The following CAMK1D variants were observed in gnomAD, a reference collection of about 807,000 sequenced individuals.
The protein encoded by CAMK1D is calcium/calmodulin dependent protein kinase ID, also known as calcium/calmodulin-dependent protein kinase type 1D.
A neutral mutation model predicts 47.7 loss-of-function variants in CAMK1D; 9 were observed. The observed-to-expected ratio is 0.19, with a 90% CI of 0.11 to 0.33. The LOEUF (loss-of-function observed/expected upper bound fraction) is 0.33. Ranked by LOEUF, CAMK1D falls within the 10% of genes least tolerant of loss-of-function variation. The pLI, the probability that CAMK1D is intolerant of heterozygous loss-of-function variation, is 1.00. For synonymous variants in CAMK1D, 184 were observed against 184.9 expected, an observed-to-expected ratio of 0.99 and a Z score of 0.04; for missense variants, 291 against 488.7, an observed-to-expected ratio of 0.60 and a Z score of 3.81.
intron 1 of CAMK1D, among the ~76,000 whole-genome samples, chr10:12,454,089 C>T (rs977588401): frequency 6.6e-6 from 1 of 152,178 alleles, no homozygotes; most frequent in African/African-American, 2.4e-5. Context: ...CTCCTGTCTT[C>T]ATTTCATTTA....
At chr10:12,654,620 A>G (rs564031278) in intron 2 of CAMK1D, among the ~76,000 whole-genome samples, 2 of 152,336 alleles carry the variant, frequency 1.3e-5, no homozygotes, top group African/African-American at 4.8e-5. Context: ...ATACTTGCTA[A>G]GAAATGTTAT....
chr10:12,776,458 A>G (rs1837250513), intron 5 of CAMK1D, among the ~76,000 whole-genome samples: 1 of 152,184 alleles, frequency 6.6e-6, no homozygotes, highest in African/African-American at 2.4e-5. Context: ...CGTAGTCATC[A>G]TGTTCTGTTA....
intron 1 of CAMK1D, among the ~76,000 whole-genome samples, chr10:12,436,422 C>T (rs574358740): frequency 3.7e-4 from 56 of 152,278 alleles, no homozygotes; most frequent in African/African-American, 1.1e-3. Context: ...CAGTGACCGT[C>T]GAAGGAAATC....
At chr10:12,608,965 G>A (rs555133930) in intron 2 of CAMK1D, among the ~76,000 whole-genome samples, 16 of 152,324 alleles carry the variant, frequency 1.1e-4, no homozygotes, top group South Asian at 8.3e-4. Context: ...GAATGGTGCC[G>A]GGCAGATGAT....
intron 3 of CAMK1D, among the ~76,000 whole-genome samples, chr10:12,759,470 TG>T (rs1564540712): frequency 6.6e-6 from 1 of 152,140 alleles, no homozygotes; most frequent in Non-Finnish European, 1.5e-5. Context: ...TGAAACTTGT[TG>T]GGGGAAGGTT....
chr10:12,755,373 G>GAGGAA (rs1364809600), intron 3 of CAMK1D, among the ~76,000 whole-genome samples: 3 of 152,226 alleles, frequency 2.0e-5, no homozygotes, highest in Non-Finnish European at 4.4e-5. Context: ...GATCTTGATT[G>GAGGAA]AGGAAAAGAT....
At chr10:12,587,990 T>C (rs1837871842) in intron 2 of CAMK1D, among the ~76,000 whole-genome samples, 1 of 152,198 alleles carries the variant, frequency 6.6e-6, no homozygotes, top group Non-Finnish European at 1.5e-5. Flanking sequence ...TATATGTACA[T>C]GCAGCTTTGT....
chr10:12,527,611 A>G (rs1477210708), intron 1 of CAMK1D, among the ~76,000 whole-genome samples: 2 of 152,120 alleles, frequency 1.3e-5, no homozygotes, highest in Non-Finnish European at 2.9e-5. Context: ...CCTGACCTCA[A>G]ATGATCCGCC....
chr10:12,579,174 A>G (rs537758571), intron 2 of CAMK1D, among the ~76,000 whole-genome samples: 20 of 152,296 alleles, frequency 1.3e-4, no homozygotes, highest in African/African-American at 4.8e-4. Context: ...GGTGTGGAAC[A>G]GCATGGTATG....
intron 1 of CAMK1D, among the ~76,000 whole-genome samples, chr10:12,379,719 C>G (rs1165813903): frequency 1.3e-5 from 2 of 152,140 alleles, no homozygotes; most frequent in African/African-American, 4.8e-5. Flanking sequence ...TGCCACTGCA[C>G]TGCAGTCTGG....
intron 6 of CAMK1D, among the ~76,000 whole-genome samples, chr10:12,809,354 C>A (rs1832507233): frequency 6.6e-6 from 1 of 151,888 alleles, no homozygotes; most frequent in South Asian, 2.1e-4. Context: ...TGTGGCAATT[C>A]CTCAGAAGAT....
At chr10:12,704,587 A>C (rs1833660932) in intron 3 of CAMK1D, among the ~76,000 whole-genome samples, 1 of 152,206 alleles carries the variant, frequency 6.6e-6, no homozygotes, top group South Asian at 2.1e-4. Context: ...GATTACCCCA[A>C]GAATGATTCA....
chr10:12,728,104 C>T (rs1327631090), intron 3 of CAMK1D, among the ~76,000 whole-genome samples: 2 of 152,182 alleles, frequency 1.3e-5, no homozygotes, highest in Non-Finnish European at 2.9e-5. Flanking sequence ...GTGTCAAAGG[C>T]TTCCCTGTGA....
At chr10:12,749,018 TTTAA>T (rs756462407) in intron 3 of CAMK1D, among the ~76,000 whole-genome samples, 18 of 152,162 alleles carry the variant, frequency 1.2e-4, no homozygotes, top group Non-Finnish European at 2.4e-4. Context: ...CTACAATTAC[TTTAA>T]TTAGTGATTG....
At chr10:12,393,432 A>G (rs1444882555) in intron 1 of CAMK1D, among the ~76,000 whole-genome samples, 1 of 152,090 alleles carries the variant, frequency 6.6e-6, no homozygotes, top group Admixed American at 6.5e-5. Context: ...CACTCAAGGA[A>G]CTCATAGTGT....
At chr10:12,807,154 C>T (rs1050326745) in intron 6 of CAMK1D, among the ~76,000 whole-genome samples, 2 of 152,228 alleles carry the variant, frequency 1.3e-5, no homozygotes, top group Non-Finnish European at 2.9e-5. Context: ...TGCTGGCTAC[C>T]TTCACCTGAA....
chr10:12,489,154 G>A (rs1250112990), intron 1 of CAMK1D, among the ~76,000 whole-genome samples: 2 of 152,086 alleles, frequency 1.3e-5, no homozygotes, highest in Non-Finnish European at 2.9e-5. Context: ...TAGCCAGGAT[G>A]GTCTCGATCC....
At chr10:12,643,603 G>A (rs921839619) in intron 2 of CAMK1D, among the ~76,000 whole-genome samples, 2 of 152,126 alleles carry the variant, frequency 1.3e-5, no homozygotes, top group Admixed American at 6.5e-5. Context: ...AATGTGTGGG[G>A]CTAGGTGCGG....
At chr10:12,580,836 T>C (rs779073503) in intron 2 of CAMK1D, among the ~76,000 whole-genome samples, 2 of 152,224 alleles carry the variant, frequency 1.3e-5, no homozygotes, top group African/African-American at 2.4e-5. Context: ...TCAGCTAACA[T>C]ATATTTATTA....
Sources: gnomAD v4.1 joint callset for allele counts (sites outside exome capture counted in the v4.1 genomes callset) on GRCh38, gnomAD v4.1.1 for gene constraint, MANE v1.5 for transcripts, NCBI Gene and HGNC (gene_info 2026-07-23, HGNC 2026-07-21) for gene names.